The following AUTS2 variants were observed in gnomAD, a reference collection of about 807,000 sequenced individuals.
AUTS2 encodes activator of transcription and developmental regulator AUTS2, also known as autism susceptibility gene 2 protein.
AUTS2 carries 17 observed loss-of-function variants against 112.4 expected under a neutral mutation model. That is an observed-to-expected ratio of 0.15 (90% CI 0.10 to 0.23). AUTS2 has a LOEUF of 0.23. AUTS2 is among the 10% of genes least tolerant of loss of function. The probability of loss-of-function intolerance (pLI) is 1.00; values close to 1 mark genes in which losing one functional copy is unlikely to be tolerated. For missense variants in AUTS2, 1,510 were observed against 1,701.6 expected (o/e 0.89, Z 1.98); for synonymous variants, 751 against 702.7 (o/e 1.07, Z -1.09).
intron 6 of AUTS2, among the ~76,000 whole-genome samples, chr7:70,723,262 T>C (rs190475401): frequency 1.7e-3 from 266 of 152,352 alleles, no homozygotes; most frequent in Middle Eastern, 0.01. Context: ...TGTTTGTTTG[T>C]TTTCCTCTAT....
chr7:70,370,244 A>C (rs1792779027), intron 4 of AUTS2, among the ~76,000 whole-genome samples: 1 of 152,172 alleles, frequency 6.6e-6, no homozygotes, highest in South Asian at 2.1e-4. Flanking sequence ...AGAGTTGTGC[A>C]TTCATCACCA....
At chr7:70,496,169 TCA>T (rs774769759) in intron 5 of AUTS2, among the ~76,000 whole-genome samples, 6,169 of 39,742 alleles carry the variant, frequency 0.16, 412 homozygotes, top group Middle Eastern at 0.23. Flanking sequence ...ACGTACACAG[TCA>T]CACACACACA....
chr7:70,277,384 G>A (rs1017629882), intron 4 of AUTS2, among the ~76,000 whole-genome samples: 2 of 152,220 alleles, frequency 1.3e-5, no homozygotes, highest in Non-Finnish European at 2.9e-5. Flanking sequence ...GAGTGATCAG[G>A]AGTGTTAATA....
chr7:70,649,535 TA>T (rs1806374659), intron 5 of AUTS2, among the ~76,000 whole-genome samples: 1 of 151,242 alleles, frequency 6.6e-6, no homozygotes, highest in African/African-American at 2.4e-5. Context: ...TTTATTTATT[TA>T]TTTATTTTTT....
chr7:70,213,285 G>A (rs1002957877), intron 4 of AUTS2, among the ~76,000 whole-genome samples: 3 of 151,264 alleles, frequency 2.0e-5, no homozygotes, highest in Non-Finnish European at 4.4e-5. Context: ...CCAGTACTTT[G>A]TGAGTCTGAG....
At chr7:70,488,992 T>TA (rs930846891) in intron 5 of AUTS2, among the ~76,000 whole-genome samples, 1 of 152,176 alleles carries the variant, frequency 6.6e-6, no homozygotes, top group Non-Finnish European at 1.5e-5. Context: ...AGCTCCCTAA[T>TA]GGGATGATGA....
intron 2 of AUTS2, among the ~76,000 whole-genome samples, chr7:70,031,656 C>A (rs1424349170): frequency 6.6e-6 from 1 of 152,100 alleles, no homozygotes; most frequent in Non-Finnish European, 1.5e-5. Flanking sequence ...ACAGATTTTC[C>A]TACAAGATTG....
intron 4 of AUTS2, among the ~76,000 whole-genome samples, chr7:70,373,764 A>G (rs190159741): frequency 6.6e-6 from 1 of 152,316 alleles, no homozygotes; most frequent in East Asian, 1.9e-4. Flanking sequence ...AGAGGAGAAT[A>G]AAAATAACCT....
intron 2 of AUTS2, among the ~76,000 whole-genome samples, chr7:69,983,091 C>A (rs1798362639): frequency 6.6e-6 from 1 of 152,206 alleles, no homozygotes; most frequent in Admixed American, 6.5e-5. Context: ...TTCTTCCATT[C>A]TGTACTAGGT....
At chr7:69,666,568 C>G (rs1256528003) in intron 1 of AUTS2, among the ~76,000 whole-genome samples, 2 of 152,054 alleles carry the variant, frequency 1.3e-5, no homozygotes, top group East Asian at 3.8e-4. Flanking sequence ...CACCATGTTC[C>G]CCATGATAAG....
rs1562944230 is a variant in AUTS2, at chr7:69,876,527, TA to T, written c.310-22758del. Reference sequence around the variant, plus strand: ...ATATATATATATATATATATATATATATATATATATATATATATTTTCAGTG... The same window carrying T: ...ATATATATATATATATATATATATATTATATATATATATATATTTTCAGTG... On this transcript the variant is annotated intron_variant, in intron 1 of 18. Transcript: ENST00000342771. 1.6e-3 allele frequency among the ~76,000 whole-genome samples: 75 copies of T among 46,540 alleles called. 1 individual carries two copies. The highest frequency in any genetic ancestry group is 0.014 in the South Asian group (23 of 1,646). The allele number at this position is 46,540 out of a possible 152,430, so 30.5% of individuals were successfully genotyped here.
In AUTS2 at chr7:70,784,922, C is replaced by T. The variant is rs2293504; in HGVS notation, c.2147-20C>T. 219,678 of 1,612,628 alleles carry T rather than the reference C, an allele frequency of 0.14. 18,202 individuals are homozygous for T. Among genetic ancestry groups the T allele is most frequent in the East Asian group, 0.39 (17,683 of 44,844 alleles). The stretch of plus-strand genomic sequence containing the variant: ...GTTGGCTTTTTGTAAACTCTGGTTT[C>T]GTTATGTTTGACTTAACAGGTGCTG... On this transcript the variant is annotated intron_variant, in intron 15 of 18. Coordinates refer to ENST00000342771, the MANE Select transcript of AUTS2 (RefSeq NM_015570.4).
chr7:70,281,473 T>A (rs545036440), intron 4 of AUTS2, among the ~76,000 whole-genome samples: 44 of 152,244 alleles, frequency 2.9e-4, no homozygotes, highest in African/African-American at 9.9e-4. Context: ...CTGTAGAAAG[T>A]TTTCTTCTTT....
intron 1 of AUTS2, among the ~76,000 whole-genome samples, chr7:69,674,713 A>G (rs1427874630): frequency 1.3e-5 from 2 of 152,194 alleles, no homozygotes; most frequent in Non-Finnish European, 2.9e-5. Flanking sequence ...CGTGGCAGGC[A>G]TAATGAAATT....
chr7:70,771,299 T>C (rs1012392635), intron 10 of AUTS2: 1 of 315,208 alleles, frequency 3.2e-6, no homozygotes, highest in Non-Finnish European at 5.8e-6. Flanking sequence ...TTAGAAAAGC[T>C]CCCTTTCTAA....
intron 1 of AUTS2, among the ~76,000 whole-genome samples, chr7:69,640,879 T>C (rs1356886937): frequency 6.6e-6 from 1 of 152,264 alleles, no homozygotes; most frequent in Non-Finnish European, 1.5e-5. Flanking sequence ...CATTAAGTGC[T>C]GTTCCTAGCA....
At position 69,934,065 on chromosome 7, in the gene AUTS2, A is replaced by ATCT. The variant is rs1345394588; in HGVS notation, c.522+34567_522+34568insTCT. On this transcript the variant is annotated intron_variant, in intron 2 of 18. Transcript: ENST00000342771. ...TTTATTGTTTAGACTTAAAAGGAAAACAGTTAGCTGCGGAATCTAGTTTTT... is the reference window on the plus strand; with the variant it reads ...TTTATTGTTTAGACTTAAAAGGAAAATCTCAGTTAGCTGCGGAATCTAGTTTTT... 2.5e-4 allele frequency among the ~76,000 whole-genome samples: 38 copies of ATCT among 152,376 alleles called. 1 individual carries two copies. The East Asian group carries it at 7.3e-3, about 29-fold the overall frequency.
chr7:70,145,774 C>A (rs1807093731), intron 4 of AUTS2, among the ~76,000 whole-genome samples: 1 of 152,048 alleles, frequency 6.6e-6, no homozygotes, highest in Non-Finnish European at 1.5e-5. Context: ...TACTTCTGTG[C>A]ATTGAGTGTC....
intron 5 of AUTS2, among the ~76,000 whole-genome samples, chr7:70,657,094 T>C (rs768242282): frequency 6.6e-6 from 1 of 152,178 alleles, no homozygotes; most frequent in Non-Finnish European, 1.5e-5. Flanking sequence ...CTGATGGCAT[T>C]TTGCAGCTTG....
Sources: allele counts gnomAD v4.1 joint callset (sites outside exome capture counted in the v4.1 genomes callset), GRCh38; gene constraint gnomAD v4.1.1; transcripts MANE v1.5; gene names NCBI Gene and HGNC (gene_info 2026-07-23, HGNC 2026-07-21).